The following KMT2A variants were observed in gnomAD, a reference collection of about 807,000 sequenced individuals.
KMT2A encodes the protein histone-lysine N-methyltransferase 2A.
Under a neutral mutation model 345.3 loss-of-function variants are expected in KMT2A, and 16 were observed. That is an observed-to-expected ratio of 0.05 (90% confidence interval 0.03 to 0.07). KMT2A has a LOEUF of 0.07. Among genes scored for constraint, KMT2A ranks in the 10% least tolerant of loss-of-function variants. KMT2A has a pLI of 1.00. For missense variants in KMT2A, 3,272 were observed against 4,841.6 expected (o/e 0.68, Z 9.62); for synonymous variants, 1,599 against 1,778.6 (o/e 0.90, Z 2.54).
chr11:118,517,826 T>G (rs1452451000), intron 31 of KMT2A, among the ~76,000 whole-genome samples: 1 of 152,188 alleles, frequency 6.6e-6, no homozygotes, highest in African/African-American at 2.4e-5. Context: ...GGCAACAAAG[T>G]GAAACCTGTC....
At chr11:118,445,613 G>T (rs1182899880) in intron 1 of KMT2A, among the ~76,000 whole-genome samples, 1 of 152,226 alleles carries the variant, frequency 6.6e-6, no homozygotes, top group African/African-American at 2.4e-5. Context: ...TGAATTGTAG[G>T]TTGCAATTTC....
Position 118,511,963 on chromosome 11 carries a change from C to T in KMT2A, c.11084C>T (p.Ser3695Leu), listed in dbSNP as rs782477344. Residue 3695 changes from serine (S) to leucine (L), a missense_variant, in exon 31 of 36, where the codon TCA becomes TTA. By Grantham distance (145) the Ser-to-Leu change is moderately radical. This residue lies in a region of KMT2A where 72 missense variants were observed against 135.6 expected (regional missense o/e 0.53). Transcript: ENST00000534358. ...TATTTCCTTTCAGATGCCTGGAAGTCATTGACAGATAAAGTCCAGGAAGCT... is the reference window on the plus strand; with the variant it reads ...TATTTCCTTTCAGATGCCTGGAAGTTATTGACAGATAAAGTCCAGGAAGCT... ...CAESIEDAWK[S>L]LTDKVQEARS... 1.9e-6 allele frequency: 3 copies of T among 1,614,018 alleles called. No homozygotes were observed. The highest frequency in any genetic ancestry group is 1.7e-6 in the Non-Finnish European group (2 of 1,179,944).
At chr11:118,464,941 A>T (rs1332734211) in intron 1 of KMT2A, among the ~76,000 whole-genome samples, 1 of 152,238 alleles carries the variant, frequency 6.6e-6, no homozygotes, top group African/African-American at 2.4e-5. Flanking sequence ...CTTTAGTAGA[A>T]AAATGCCCAG....
intron 28 of KMT2A, among the ~76,000 whole-genome samples, chr11:118,508,887 C>G (rs1220663276): frequency 6.6e-6 from 1 of 151,922 alleles, no homozygotes; most frequent in Non-Finnish European, 1.5e-5. Context: ...ATTTCAAGGG[C>G]GCAATTTACA....
Position 118,505,642 on chromosome 11 carries a change from T to C in KMT2A, c.9750T>C (p.Asp3250=). 6.2e-7 allele frequency: 1 copy of C among 1,614,218 alleles called. No individual in the cohort carries two copies. The highest frequency in any genetic ancestry group is 8.5e-7 in the Non-Finnish European group (1 of 1,180,026). The part of the protein sequence containing the change: ...SSTPSNIAPS[D]VVSNMTLINF... ...CCCCTTCAAACATTGCCCCTTCTGA[T>C]GTGGTTTCTAATATGACATTGATTA... Residue 3250 remains aspartate (D), a synonymous_variant, in exon 27 of 36, where the codon GAT becomes GAC. Coordinates refer to ENST00000534358, the MANE Select transcript of KMT2A (RefSeq NM_001197104.2). The surrounding 1 kb of genome is among the most constrained non-coding windows in gnomAD (Gnocchi z 4.6).
Position 118,503,406 on chromosome 11 carries a change from C to A in KMT2A, c.7514C>A (p.Pro2505His), listed in dbSNP as rs782617745. The change falls in exon 27 of 36, where the codon CCC (proline) becomes CAC (histidine). Residue 2505 changes from proline to histidine, a missense_variant. Pro to His is a moderately conservative substitution (Grantham distance 77). This residue lies in a region of KMT2A where 445 missense variants were observed against 500.9 expected (regional missense o/e 0.89). Coordinates refer to ENST00000534358, the MANE Select transcript of KMT2A (RefSeq NM_001197104.2). The surrounding 1 kb of genome is among the most constrained non-coding windows in gnomAD (Gnocchi z 5.3). ...ATGCCAGGAGTCCCCAAAGCTCCACCCATGCAAGTAGAAGGATCTGCCAAG... is the reference window on the plus strand; with the variant it reads ...ATGCCAGGAGTCCCCAAAGCTCCACACATGCAAGTAGAAGGATCTGCCAAG... Reference protein sequence around the residue: ...LSMPGVPKAPPMQVEGSAKEL... With the variant: ...LSMPGVPKAPHMQVEGSAKEL... 18 of 1,613,884 alleles carry A rather than the reference C, an allele frequency of 1.1e-5. No homozygotes were observed. Among genetic ancestry groups the A allele is most frequent in the Admixed American group, 1.7e-5 (1 of 59,982 alleles).
chr11:118,444,979 A>G (rs1282619911), intron 1 of KMT2A, among the ~76,000 whole-genome samples: 1 of 152,216 alleles, frequency 6.6e-6, no homozygotes, highest in Non-Finnish European at 1.5e-5. Flanking sequence ...TCATGCATGT[A>G]AGCACTTAGC....
Position 118,490,020 on chromosome 11 carries a change from T to C in KMT2A, c.4576-109T>C. 7.0e-7 allele frequency: 1 copy of C among 1,437,496 alleles called. No individual in the cohort carries two copies. The highest frequency in any genetic ancestry group is 1.4e-5 in the African/African-American group (1 of 70,506). 89.0% of individuals were successfully genotyped at this position (1,437,496 alleles called of 1,614,324 possible). A position where few individuals can be genotyped will look rare whatever the true frequency, so the allele number is the denominator to read the frequency against. On this transcript the variant is annotated intron_variant, in intron 12 of 35. Coordinates refer to ENST00000534358, the MANE Select transcript of KMT2A (RefSeq NM_001197104.2). This position sits in a 1 kb window ranked among gnomAD's most constrained non-coding sequence, Gnocchi z 4.2. The stretch of plus-strand genomic sequence containing the variant: ...TTTTTGCCTCATTACTAGGAAATCA[T>C]CTCAGCAGAGAAATTAAATCTATAA...
Position 118,504,704 on chromosome 11 carries a change from A to G in KMT2A, c.8812A>G (p.Thr2938Ala). Reference protein sequence around the residue: ...LELPSDLSVLTTRSPTVPSQN... With the variant: ...LELPSDLSVLATRSPTVPSQN... The stretch of plus-strand genomic sequence containing the variant: ...GCTACCATCTGATCTGTCTGTCTTG[A>G]CCACCCGGAGTCCCACTGTCCCCAG... Residue 2938 changes from threonine to alanine, a missense_variant, in exon 27 of 36, where the codon ACC becomes GCC. Thr to Ala is a moderately conservative substitution (Grantham distance 58). Coordinates refer to ENST00000534358, the MANE Select transcript of KMT2A (RefSeq NM_001197104.2). This position sits in a 1 kb window ranked among gnomAD's most constrained non-coding sequence, Gnocchi z 6.4. 1 of 1,614,026 alleles carries G rather than the reference A, an allele frequency of 6.2e-7. No individual in the cohort carries two copies. Among genetic ancestry groups the G allele is most frequent in the Non-Finnish European group, 8.5e-7 (1 of 1,180,008 alleles).
At chr11:118,513,327 C>T (rs1555050654) in intron 31 of KMT2A, among the ~76,000 whole-genome samples, 1 of 151,854 alleles carries the variant, frequency 6.6e-6, no homozygotes, top group Non-Finnish European at 1.5e-5. Flanking sequence ...CCATATCTAC[C>T]TCTCCTACCT....
At chr11:118,452,198 G>A (rs553218245) in intron 1 of KMT2A, among the ~76,000 whole-genome samples, 2 of 152,264 alleles carry the variant, frequency 1.3e-5, no homozygotes, top group South Asian at 4.1e-4. Flanking sequence ...ACACAACTAC[G>A]TCTGGCTCTG....
chr11:118,482,919 CA>C (rs1555039755), intron 8 of KMT2A, among the ~76,000 whole-genome samples: 1 of 151,958 alleles, frequency 6.6e-6, no homozygotes, highest in African/African-American at 2.4e-5. Flanking sequence ...GGTGACAAAG[CA>C]AAACACTGTC....
chr11:118,505,349 A>G lies in KMT2A; in HGVS notation c.9457A>G (p.Ser3153Gly). The G allele has an allele frequency of 1.9e-6, 3 of 1,614,174 alleles. No individual in the cohort carries two copies. The highest frequency in any genetic ancestry group is 2.5e-6 in the Non-Finnish European group (3 of 1,180,022). ...PTSQSLFPSA[S>G]KGLLPMSHHQ... ...TTCTCAATCTTTGTTCCCTTCTGCT[A>G]GCAAAGGATTGCTACCCATGTCTCA... Residue 3153 changes from serine to glycine, a missense_variant, in exon 27 of 36, where the codon AGC becomes GGC. Ser to Gly is a moderately conservative substitution (Grantham distance 56, BLOSUM62 0). This residue lies in a region of KMT2A where 748 missense variants were observed against 922.2 expected (regional missense o/e 0.81). Transcript: ENST00000534358. This position sits in a 1 kb window ranked among gnomAD's most constrained non-coding sequence, Gnocchi z 4.6.
intron 1 of KMT2A, among the ~76,000 whole-genome samples, chr11:118,458,957 T>G (rs1335067386): frequency 6.6e-6 from 1 of 152,246 alleles, no homozygotes; most frequent in African/African-American, 2.4e-5. Flanking sequence ...AACAAAGTAT[T>G]TCAAAAAACA....
At chr11:118,486,486 G>A (rs1950232186) in intron 10 of KMT2A, among the ~76,000 whole-genome samples, 1 of 151,830 alleles carries the variant, frequency 6.6e-6, no homozygotes, top group Admixed American at 6.6e-5. Flanking sequence ...CATTTATAAG[G>A]GACATATCCT....
rs184311599 is a variant in KMT2A, at chr11:118,465,673, G to A, written c.433-3102G>A. 2.5e-3 allele frequency among the ~76,000 whole-genome samples: 386 copies of A among 152,228 alleles called. 7 individuals are homozygous for A. The highest frequency in any genetic ancestry group is 3.2e-3 in the Non-Finnish European group (221 of 68,012). ...CCAGCACTCTCCTCACTGGCATCAC[G>A]TATGAGAAGACTGGATTGGCCCCCT... On this transcript the variant is annotated intron_variant, in intron 1 of 35. Coordinates refer to ENST00000534358, the MANE Select transcript of KMT2A (RefSeq NM_001197104.2).
chr11:118,442,097 T>C (rs1949326846), intron 1 of KMT2A, among the ~76,000 whole-genome samples: 1 of 152,176 alleles, frequency 6.6e-6, no homozygotes, highest in Non-Finnish European at 1.5e-5. Context: ...CTGCCCACAT[T>C]CCACTAGTGT....
rs782665690 is a variant in KMT2A at position 118,495,864 on chromosome 11, C to T, written c.5528C>T (p.Pro1843Leu). The T allele has an allele frequency of 4.3e-6, 7 of 1,613,774 alleles. No individual in the cohort carries two copies. The highest frequency in any genetic ancestry group is 5.1e-6 in the Non-Finnish European group (6 of 1,179,858). ...CCTGGAGAACCAGACTCACCAACTC[C>T]TCTGCATCCTCCTACACCACCAATT... ...KGPGEPDSPT[P>L]LHPPTPPILS... The change falls in exon 19 of 36, where the codon CCT becomes CTT. Residue 1843 changes from proline (P) to leucine (L), a missense_variant. By Grantham distance (98) the Pro-to-Leu change is moderately conservative (BLOSUM62 -3). This residue lies in a region of KMT2A where 235 missense variants were observed against 503.4 expected (regional missense o/e 0.47). Coordinates refer to ENST00000534358, the MANE Select transcript of KMT2A (RefSeq NM_001197104.2). This position sits in a 1 kb window ranked among gnomAD's most constrained non-coding sequence, Gnocchi z 4.1.
rs1949949485 is a variant in KMT2A, at chr11:118,471,935, C to T, written c.776C>T (p.Thr259Ile). ...KEDSLKKIKR[T>I]PSATFQQATK... ...GATAGCCTGAAAAAAATTAAAAGGA[C>T]ACCTTCTGCTACGTTTCAGCAAGCC... is the stretch of plus-strand genomic sequence containing the variant. The change falls in exon 3 of 36, where the codon ACA becomes ATA. Residue 259 changes from threonine to isoleucine, a missense_variant. Thr to Ile is a moderately conservative substitution (Grantham distance 89). Transcript: ENST00000534358. 8 of 1,614,092 alleles carry T rather than the reference C, an allele frequency of 5.0e-6. No homozygotes were observed. The highest frequency in any genetic ancestry group is 6.8e-6 in the Non-Finnish European group (8 of 1,180,022).
Sources: gnomAD v4.1 joint callset for allele counts (sites outside exome capture counted in the v4.1 genomes callset) on GRCh38, gnomAD v4.1.1 for gene constraint, gnomAD v4.1.1 regional missense constraint, Gnocchi (gnomAD v3.1) non-coding constraint, MANE v1.5 for transcripts, NCBI Gene and HGNC (gene_info 2026-07-23, HGNC 2026-07-21) for gene names.